PPP1R12A: variants seen among roughly 807,000 people sequenced by gnomAD.
PPP1R12A encodes the protein protein phosphatase 1 regulatory subunit 12A.
Under a neutral mutation model 139.6 loss-of-function variants are expected in PPP1R12A, and 19 were observed. That is an observed-to-expected ratio of 0.14 (90% CI 0.09 to 0.20). The LOEUF (loss-of-function observed/expected upper bound fraction) is 0.20, where lower values mean the gene tolerates loss of function less well. Ranked by LOEUF, PPP1R12A falls within the 10% of genes least tolerant of loss-of-function variation. PPP1R12A has a pLI of 1.00. For synonymous variants in PPP1R12A, 427 were observed against 420.6 expected (o/e 1.02, Z -0.19); for missense variants, 925 against 1,211.5 (o/e 0.76, Z 3.51).
At chr12:79,897,590 C>A (rs1214543855) in intron 1 of PPP1R12A, among the ~76,000 whole-genome samples, 2 of 151,894 alleles carry the variant, frequency 1.3e-5, no homozygotes, top group East Asian at 1.9e-4. Flanking sequence ...AGAAAAAAAA[C>A]AACAAGCCTC....
chr12:79,849,214 AC>A (rs1879761221), intron 2 of PPP1R12A, among the ~76,000 whole-genome samples: 1 of 151,892 alleles, frequency 6.6e-6, no homozygotes, highest in African/African-American at 2.4e-5. Context: ...CAAAACCCCA[AC>A]TCTACTAAAA....
At chr12:79,853,403 C>T (rs914110708) in intron 2 of PPP1R12A, among the ~76,000 whole-genome samples, 3 of 152,194 alleles carry the variant, frequency 2.0e-5, no homozygotes, top group Non-Finnish European at 4.4e-5. Flanking sequence ...GCTCCTCTGC[C>T]TTATTCTCTC....
At chr12:79,783,907 G>A (rs1297731019) in intron 22 of PPP1R12A, among the ~76,000 whole-genome samples, 1 of 152,168 alleles carries the variant, frequency 6.6e-6, no homozygotes, top group Non-Finnish European at 1.5e-5. Flanking sequence ...ATGGTCATTT[G>A]GCAAAGTGGT....
chr12:79,896,827 T>A (rs942330924), intron 1 of PPP1R12A, among the ~76,000 whole-genome samples: 7 of 152,214 alleles, frequency 4.6e-5, no homozygotes, highest in Non-Finnish European at 8.8e-5. Context: ...TGTATGCAAC[T>A]GAAATCAAGA....
At chr12:79,798,651 T>G in intron 14 of PPP1R12A, 67 bp from the exon 15 acceptor site, 1 of 843,700 alleles carries the variant, frequency 1.2e-6, no homozygotes, top group Non-Finnish European at 1.8e-6. Context: ...TATCTATCAA[T>G]GCATATGAAT....
At chr12:79,921,045 G>A (rs1887395661) in intron 1 of PPP1R12A, among the ~76,000 whole-genome samples, 1 of 151,974 alleles carries the variant, frequency 6.6e-6, no homozygotes, top group Non-Finnish European at 1.5e-5. Flanking sequence ...TTTTACTGTC[G>A]ACTCTATGAG....
chr12:79,800,780 C>G (rs1315322356), intron 14 of PPP1R12A, among the ~76,000 whole-genome samples: 1 of 148,914 alleles, frequency 6.7e-6, no homozygotes, highest in Non-Finnish European at 1.5e-5. Context: ...GTCGCCCAGG[C>G]TAGAGTGCAG....
At chr12:79,825,016 C>T (rs954729064) in intron 5 of PPP1R12A, 1 of 152,006 alleles carries the variant, frequency 6.6e-6, no homozygotes, top group African/African-American at 2.4e-5. Context: ...TTCACAACAA[C>T]GAATAATGTA....
In PPP1R12A at chr12:79,803,290, T is replaced by C. The variant is rs1873424939; in HGVS notation, c.2000+2302A>G. On this transcript the variant is annotated intron_variant, in intron 14 of 24. Coordinates refer to ENST00000450142, the MANE Select transcript of PPP1R12A (RefSeq NM_002480.3). ...AGAGGAGACCTCTAAGAATACGACA[T>C]AGAGAAGAAAAATAATTTATATATT... Among the ~76,000 whole-genome samples, 2 of 152,114 alleles carry C rather than the reference T, an allele frequency of 1.3e-5. 1 individual carries two copies. Among genetic ancestry groups the C allele is most frequent in the African/African-American group, 4.8e-5 (2 of 41,432 alleles).
chr12:79,820,093 A>G (rs1174230254), intron 8 of PPP1R12A, among the ~76,000 whole-genome samples: 1 of 152,204 alleles, frequency 6.6e-6, no homozygotes, highest in Non-Finnish European at 1.5e-5. Flanking sequence ...CACATATGTA[A>G]GACTATAAAA....
chr12:79,867,076 C>T (rs886563875), intron 2 of PPP1R12A, among the ~76,000 whole-genome samples: 1 of 152,124 alleles, frequency 6.6e-6, no homozygotes, highest in Non-Finnish European at 1.5e-5. Flanking sequence ...AACCAAAATG[C>T]CCATCAATGA....
chr12:79,931,850 G>A lies in PPP1R12A; in HGVS notation c.237+2845C>T, dbSNP rs183468801. Among the ~76,000 whole-genome samples, 822 of 152,186 alleles carry A rather than the reference G, an allele frequency of 5.4e-3. 5 individuals are homozygous for A. The highest frequency in any genetic ancestry group is 0.019 in the African/African-American group (781 of 41,520). On this transcript the variant is annotated intron_variant, in intron 1 of 24. Coordinates refer to ENST00000450142, the MANE Select transcript of PPP1R12A (RefSeq NM_002480.3). ...GAGACTAAGATAGGAAATTTGACAAGAAACGCTGCTTTTTCTTCTATACAG... is the reference window on the plus strand; with the variant it reads ...GAGACTAAGATAGGAAATTTGACAAAAAACGCTGCTTTTTCTTCTATACAG...
chr12:79,804,747 G>GA (rs202000841), intron 14 of PPP1R12A, among the ~76,000 whole-genome samples: 3 of 148,230 alleles, frequency 2.0e-5, no homozygotes, highest in East Asian at 2.0e-4. Context: ...TTTTCAAGAG[G>GA]AAAAAAAAAG....
At chr12:79,852,407 G>A (rs1289906881) in intron 2 of PPP1R12A, among the ~76,000 whole-genome samples, 2 of 151,798 alleles carry the variant, frequency 1.3e-5, no homozygotes, top group African/African-American at 4.8e-5. Flanking sequence ...TGTTGCGCAG[G>A]CTGGTCTCAA....
At position 79,934,967 on chromosome 12, in the gene PPP1R12A, G is replaced by T. The variant is rs528443059; in HGVS notation, c.-36C>A. The T allele has an allele frequency of 1.7e-5, 27 of 1,546,930 alleles. No individual in the cohort carries two copies. The highest frequency in any genetic ancestry group is 1.2e-4 in the South Asian group (10 of 83,546). Reference sequence around the variant, plus strand: ...GCCGCCGGGTCTTCTTATCGCGAGGGGGGGAAGGGGGAGGCGGAGAGGGAA... The same window carrying T: ...GCCGCCGGGTCTTCTTATCGCGAGGTGGGGAAGGGGGAGGCGGAGAGGGAA... On this transcript the variant is annotated 5_prime_UTR_variant, in exon 1 of 25. Transcript: ENST00000450142.
intron 19 of PPP1R12A, among the ~76,000 whole-genome samples, chr12:79,793,118 T>A (rs780162631): frequency 6.6e-6 from 1 of 152,232 alleles, no homozygotes; most frequent in Non-Finnish European, 1.5e-5. Flanking sequence ...GAATGCTATT[T>A]CATGCTAGAC....
intron 1 of PPP1R12A, among the ~76,000 whole-genome samples, chr12:79,932,138 T>C (rs144592168): frequency 6.6e-6 from 1 of 152,296 alleles, no homozygotes; most frequent in East Asian, 1.9e-4. Context: ...CCGTTATACA[T>C]TTTAGGTATT....
upstream of PPP1R12A, chr12:79,935,238 A>G: frequency 1.6e-6 from 2 of 1,217,178 alleles, no homozygotes; most frequent in Non-Finnish European, 2.1e-6. Flanking sequence ...ACCAGTGCGC[A>G]TGCGCCCTGG....
At chr12:79,846,724 T>C (rs966148885) in intron 2 of PPP1R12A, among the ~76,000 whole-genome samples, 14 of 151,746 alleles carry the variant, frequency 9.2e-5, no homozygotes, top group African/African-American at 3.1e-4. Flanking sequence ...CCACCACGCC[T>C]GGCCTACCCA....
Sources: gnomAD v4.1 joint callset for allele counts (sites outside exome capture counted in the v4.1 genomes callset) on GRCh38, gnomAD v4.1.1 for gene constraint, MANE v1.5 for transcripts, NCBI Gene and HGNC (gene_info 2026-07-23, HGNC 2026-07-21) for gene names.